The following MPHOSPH10 variants were observed in gnomAD, a reference collection of about 807,000 sequenced individuals.
MPHOSPH10 encodes the protein M-phase phosphoprotein 10.
Under a neutral mutation model 77.3 loss-of-function variants are expected in MPHOSPH10, and 33 were observed. The observed-to-expected ratio is 0.43, with a 90% CI of 0.32 to 0.57. MPHOSPH10 has a LOEUF of 0.57. Among genes scored for constraint, MPHOSPH10 ranks in the 20% least tolerant of loss-of-function variants. The pLI is 0.07. For missense variants in MPHOSPH10, 708 were observed against 780.1 expected (o/e 0.91, Z 1.10); for synonymous variants, 245 against 268.0 (o/e 0.91, Z 0.84).
At chr2:71,134,565 TC>T in intron 3 of MPHOSPH10, 60 bp from the exon 4 acceptor site, 1 of 1,477,392 alleles carries the variant, frequency 6.8e-7, no homozygotes, top group East Asian at 2.3e-5. Context: ...AAAATTTGTT[TC>T]CTTTTGTTTT....
chr2:71,141,520 G>C lies in MPHOSPH10; in HGVS notation c.1446+151G>C, dbSNP rs192884756. The C allele has an allele frequency of 2.6e-4, 160 of 619,428 alleles. No homozygotes were observed. The African/African-American group carries it at 2.9e-3, about 11-fold the overall frequency. The allele number at this position is 619,428 out of a possible 1,614,324, so 38.4% of individuals were successfully genotyped here. ...AGACAGAGCATGCTAGGAATAGAAGGGTTCTAATATTCCCGCTGGATGTGA... is the reference window on the plus strand; with the variant it reads ...AGACAGAGCATGCTAGGAATAGAAGCGTTCTAATATTCCCGCTGGATGTGA... On this transcript the variant is annotated intron_variant, in intron 7 of 10. Coordinates refer to ENST00000244230, the MANE Select transcript of MPHOSPH10 (RefSeq NM_005791.3).
Position 71,133,830 on chromosome 2 carries a change from T to TGAAA in MPHOSPH10, c.769-117_769-116insAAAG, listed in dbSNP as rs1215120106. Reference sequence around the variant, plus strand: ...TTAGTTTGGTTATTAGTTATTAGCTTGTAGTGTTATTAAGTCAGAAAGTAA... The same window carrying TGAAA: ...TTAGTTTGGTTATTAGTTATTAGCTTGAAAGTAGTGTTATTAAGTCAGAAAGTAA... On this transcript the variant is annotated intron_variant, in intron 2 of 10. Transcript: ENST00000244230. 258 of 886,758 alleles carry TGAAA rather than the reference T, an allele frequency of 2.9e-4. 1 individual carries two copies. In the African/African-American group the frequency reaches 4.2e-3, roughly 14 times the overall value. The allele number at this position is 886,758 out of a possible 1,614,324, so 54.9% of individuals were successfully genotyped here.
chr2:71,141,203 T>G (rs770361083), intron 6 of MPHOSPH10, 29 bp from the exon 7 acceptor site: 10 of 1,332,546 alleles, frequency 7.5e-6, no homozygotes, highest in Admixed American at 2.9e-5. Flanking sequence ...GTAGGTTTTG[T>G]TATGTTCTAC....
In MPHOSPH10 at chr2:71,134,037, G is replaced by A. The variant is rs1013524914; in HGVS notation, c.858G>A (p.Glu286=). Residue 286 remains glutamate (E), a synonymous_variant, in exon 3 of 11, where the codon GAG becomes GAA. Coordinates refer to ENST00000244230, the MANE Select transcript of MPHOSPH10 (RefSeq NM_005791.3). The stretch of plus-strand genomic sequence containing the variant: ...ACATAACAAATGTTCATGATGATGA[G>A]CTGGATTCAAACAAAGAAGATGATG... ...DEDITNVHDD[E]LDSNKEDDEI... 12 of 1,609,612 alleles carry A rather than the reference G, an allele frequency of 7.5e-6. No individual in the cohort carries two copies. The highest frequency in any genetic ancestry group is 1.0e-5 in the Non-Finnish European group (12 of 1,177,690).
rs1384015423 is a variant in MPHOSPH10, at chr2:71,133,077, A to G, written c.269A>G (p.Tyr90Cys). 5 of 1,614,090 alleles carry G rather than the reference A, an allele frequency of 3.1e-6. No homozygotes were observed. Among genetic ancestry groups the G allele is most frequent in the Non-Finnish European group, 4.2e-6 (5 of 1,180,036 alleles). Residue 90 changes from tyrosine to cysteine, a missense_variant, in exon 2 of 11, where the codon TAC becomes TGC. Physicochemically the swap from Tyr to Cys is radical, Grantham distance 194 (BLOSUM62 -2). Around this residue, in one of 3 missense-constraint regions of MPHOSPH10, gnomAD observed 433 missense variants for 432.6 expected, o/e 1.00. Transcript: ENST00000244230. ...TTGCAAAATGAACCAATTTTACAAT[A>G]CTTTCAGAATGCAGTTAGTGAAACA... ...LELQNEPILQ[Y>C]FQNAVSETIN...
chr2:71,146,741 G>A (rs13422802), intron 8 of MPHOSPH10, among the ~76,000 whole-genome samples: 2 of 152,164 alleles, frequency 1.3e-5, no homozygotes, highest in Admixed American at 6.5e-5. Context: ...TCCAGTGGAA[G>A]AAATGATTTC....
Position 71,134,617 on chromosome 2 carries a change from G to C in MPHOSPH10, c.927-9G>C. 4 of 1,585,384 alleles carry C rather than the reference G, an allele frequency of 2.5e-6. No homozygotes were observed. The highest frequency in any genetic ancestry group is 3.4e-6 in the Non-Finnish European group (4 of 1,170,440). ...TATATTTCTTTTTATAAGAGTTTTG[G>C]TATTGTAGGGATGAAGATGATGACC... On this transcript the variant is annotated splice_polypyrimidine_tract_variant and intron_variant, in intron 3 of 10. Coordinates refer to ENST00000244230, the MANE Select transcript of MPHOSPH10 (RefSeq NM_005791.3).
At chr2:71,134,230 T>C in intron 3 of MPHOSPH10, 125 bp downstream of exon 3, 1 of 956,212 alleles carries the variant, frequency 1.0e-6, no homozygotes, top group Non-Finnish European at 1.5e-6. Context: ...ATTCTCAAGA[T>C]AGCCAGAGGA....
intron 7 of MPHOSPH10, among the ~76,000 whole-genome samples, chr2:71,142,526 G>T (rs1237683545): frequency 6.6e-6 from 1 of 152,198 alleles, no homozygotes; most frequent in Non-Finnish European, 1.5e-5. Context: ...GGATGGACTT[G>T]GAGTTCTAGT....
rs778174038 is a variant in MPHOSPH10 at position 71,132,859 on chromosome 2, TA to T, written c.90-38del. The T allele has an allele frequency of 1.3e-5, 20 of 1,527,022 alleles. No homozygotes were observed. The East Asian group carries it at 4.5e-4, about 35-fold the overall frequency. 94.6% of individuals were successfully genotyped at this position (1,527,022 alleles called of 1,614,324 possible). On this transcript the variant is annotated intron_variant, in intron 1 of 10. Coordinates refer to ENST00000244230, the MANE Select transcript of MPHOSPH10 (RefSeq NM_005791.3). ...TTTATTAAGAGTGCTGTGAAATTATTACCTGTAATTCTAAATCTCACTTAAT... is the reference window on the plus strand; with the variant it reads ...TTTATTAAGAGTGCTGTGAAATTATTCCTGTAATTCTAAATCTCACTTAAT...
rs764029620 is a variant in MPHOSPH10 at position 71,149,383 on chromosome 2, A to G, written c.1826A>G (p.Lys609Arg). The G allele has an allele frequency of 1.3e-6, 2 of 1,585,980 alleles. No individual in the cohort carries two copies. The highest frequency in any genetic ancestry group is 1.7e-6 in the Non-Finnish European group (2 of 1,167,562). The change falls in exon 10 of 11, where the codon AAA (lysine) becomes AGA (arginine). Residue 609 changes from lysine to arginine, a missense_variant. Around this residue, in one of 3 missense-constraint regions of MPHOSPH10, gnomAD observed 263 missense variants for 320.0 expected, o/e 0.82. Coordinates refer to ENST00000244230, the MANE Select transcript of MPHOSPH10 (RefSeq NM_005791.3). ...LEKSSVDQAG[K>R]YSKTVASEKL... ...AAGAGCAGTGTAGATCAAGCAGGGAAATACAGCAAAACAGTAGCTTCGGAG... is the reference window on the plus strand; with the variant it reads ...AAGAGCAGTGTAGATCAAGCAGGGAGATACAGCAAAACAGTAGCTTCGGAG...
chr2:71,136,865 T>G (rs1175662453), intron 4 of MPHOSPH10, among the ~76,000 whole-genome samples: 3 of 106,378 alleles, frequency 2.8e-5, no homozygotes, highest in Admixed American at 2.0e-4. Context: ...TTTTTTTTTT[T>G]GAAACTGTTA....
rs1287689888 is a variant in MPHOSPH10, at chr2:71,134,638, T to C, written c.939T>C (p.Asp313=). The stretch of plus-strand genomic sequence containing the variant: ...TTTGGTATTGTAGGGATGAAGATGA[T>C]GACCTTCAAGAAAATGAAGACAATA... ...ELSISETDED[D]DLQENEDNKQ... Residue 313 remains aspartate (D), a synonymous_variant, in exon 4 of 11, where the codon GAT becomes GAC. Coordinates refer to ENST00000244230, the MANE Select transcript of MPHOSPH10 (RefSeq NM_005791.3). 1 of 1,601,644 alleles carries C rather than the reference T, an allele frequency of 6.2e-7. No individual in the cohort carries two copies. The highest frequency in any genetic ancestry group is 2.2e-5 in the East Asian group (1 of 44,716).
chr2:71,139,454 G>A (rs1007430787), intron 5 of MPHOSPH10: 4 of 171,112 alleles, frequency 2.3e-5, no homozygotes, highest in Admixed American at 6.2e-5. Flanking sequence ...CTTCTTTCTT[G>A]TACCCATTAC....
chr2:71,144,273 T>C (rs1381650164), intron 7 of MPHOSPH10, 155 bp from the exon 8 acceptor site: 11 of 592,386 alleles, frequency 1.9e-5, no homozygotes, highest in Non-Finnish European at 3.3e-5. Context: ...GGAACCCTCA[T>C]GGTACTGCTG....
chr2:71,133,894 G>T, intron 2 of MPHOSPH10, 54 bp from the exon 3 acceptor site: 1 of 1,226,402 alleles, frequency 8.2e-7, no homozygotes, highest in African/African-American at 1.5e-5. Flanking sequence ...ATATGCATGT[G>T]TTAATATATT....
At position 71,141,304 on chromosome 2, in the gene MPHOSPH10, G is replaced by T; in HGVS notation, c.1381G>T (p.Asp461Tyr). 2 of 1,573,922 alleles carry T rather than the reference G, an allele frequency of 1.3e-6. No individual in the cohort carries two copies. Among genetic ancestry groups the T allele is most frequent in the South Asian group, 2.4e-5 (2 of 83,404 alleles). The change falls in exon 7 of 11, where the codon GAC (aspartate) becomes TAC (tyrosine). Residue 461 changes from aspartate to tyrosine, a missense_variant. Around this residue, in one of 3 missense-constraint regions of MPHOSPH10, gnomAD observed 263 missense variants for 320.0 expected, o/e 0.82. Coordinates refer to ENST00000244230, the MANE Select transcript of MPHOSPH10 (RefSeq NM_005791.3). ...TGAATATAAAAAGCGTTTAACCTTA[G>T]ACCATGAGAAGAGTAAATTGAGCCT... is the stretch of plus-strand genomic sequence containing the variant. ...AYEYKKRLTL[D>Y]HEKSKLSLAE...
chr2:71,144,622 T>C (rs760280446), intron 8 of MPHOSPH10, 84 bp downstream of exon 8: 2 of 1,025,486 alleles, frequency 2.0e-6, no homozygotes, highest in Non-Finnish European at 2.9e-6. Context: ...CTCTTTATTT[T>C]GTTTCAGGAT....
intron 8 of MPHOSPH10, among the ~76,000 whole-genome samples, chr2:71,144,886 TA>T (rs939969547): frequency 6.6e-6 from 1 of 152,254 alleles, no homozygotes; most frequent in Non-Finnish European, 1.5e-5. Flanking sequence ...TTTCATTGTA[TA>T]ATGGGTTTGG....
Sources: allele counts gnomAD v4.1 joint callset (sites outside exome capture counted in the v4.1 genomes callset), GRCh38; gene constraint gnomAD v4.1.1; regional missense constraint gnomAD v4.1.1; transcripts MANE v1.5; gene names NCBI Gene and HGNC (gene_info 2026-07-23, HGNC 2026-07-21).